SRRM3: variants seen among roughly 807,000 people sequenced by gnomAD.
SRRM3 encodes the protein serine/arginine repetitive matrix 3, also known as serine/arginine repetitive matrix protein 3.
A neutral mutation model predicts 66.2 loss-of-function variants in SRRM3; 27 were observed. The ratio of observed to expected loss-of-function variants is 0.41; its 90% confidence interval spans 0.30 to 0.56. The LOEUF is 0.56. Among genes scored for constraint, SRRM3 ranks in the 20% least tolerant of loss-of-function variants. The pLI, the probability that SRRM3 is intolerant of heterozygous loss-of-function variation, is 0.32. For synonymous variants in SRRM3, 391 were observed against 414.9 expected, an observed-to-expected ratio of 0.94 and a Z score of 0.70; for missense variants, 918 against 991.9, an observed-to-expected ratio of 0.93 and a Z score of 1.00.
intron 11 of SRRM3, among the ~76,000 whole-genome samples, chr7:76,274,917 C>G (rs1802303007): frequency 6.6e-6 from 1 of 152,256 alleles, no homozygotes; most frequent in East Asian, 1.9e-4. Flanking sequence ...ACCAGCCTGG[C>G]CAACATGGCA....
intron 3 of SRRM3, among the ~76,000 whole-genome samples, chr7:76,250,425 G>A (rs1801549261): frequency 6.6e-6 from 1 of 151,992 alleles, no homozygotes; most frequent in South Asian, 2.1e-4. Flanking sequence ...GTAGAGATGG[G>A]GTTTCGCCAC....
intron 1 of SRRM3, among the ~76,000 whole-genome samples, chr7:76,215,793 A>ATTTT (rs35624440): frequency 1.0e-5 from 1 of 96,832 alleles, no homozygotes; most frequent in Non-Finnish European, 2.0e-5. Context: ...CACCTGGCTA[A>ATTTT]TTTTTTTTTT....
chr7:76,270,921 G>GCT (rs1174025753), intron 11 of SRRM3, among the ~76,000 whole-genome samples: 3 of 149,678 alleles, frequency 2.0e-5, no homozygotes, highest in Admixed American at 1.3e-4. Context: ...GTTGCAGTGA[G>GCT]CTGAGATTGT....
At chr7:76,208,307 T>C (rs191216061) in intron 1 of SRRM3, among the ~76,000 whole-genome samples, 14 of 152,100 alleles carry the variant, frequency 9.2e-5, no homozygotes, top group Admixed American at 2.0e-4. Context: ...CCTTTTTCTC[T>C]TCTGTAAAAT....
intron 1 of SRRM3, among the ~76,000 whole-genome samples, chr7:76,218,089 T>C (rs1178250224): frequency 1.3e-5 from 2 of 152,146 alleles, no homozygotes; most frequent in Non-Finnish European, 2.9e-5. Flanking sequence ...CATCGTGCCT[T>C]CCTCTGCCTA....
chr7:76,263,628 G>A (rs1213686604), intron 8 of SRRM3, among the ~76,000 whole-genome samples: 2 of 152,108 alleles, frequency 1.3e-5, no homozygotes, highest in Admixed American at 1.3e-4. Context: ...GGAGGGCTGA[G>A]GTGGGCAGAT....
rs149966450 is a variant in SRRM3 at position 76,214,905 on chromosome 7, A to G, written c.-40+12838A>G. On this transcript the variant is annotated intron_variant, in intron 1 of 14. Coordinates refer to ENST00000611745, the MANE Select transcript of SRRM3 (RefSeq NM_001110199.3). Reference sequence around the variant, plus strand: ...ATTACAGACATGAGCCACTGTGCCCAGCTGGGAGACTTTCCTTCCTCCATC... The same window carrying G: ...ATTACAGACATGAGCCACTGTGCCCGGCTGGGAGACTTTCCTTCCTCCATC... 8.3e-3 allele frequency among the ~76,000 whole-genome samples: 1,267 copies of G among 152,168 alleles called. 23 individuals are homozygous for G. The highest frequency in any genetic ancestry group is 0.029 in the African/African-American group (1,191 of 41,508).
intron 8 of SRRM3, among the ~76,000 whole-genome samples, chr7:76,262,815 CA>C (rs1314856743): frequency 1.5e-5 from 2 of 134,038 alleles, no homozygotes; most frequent in African/African-American, 5.6e-5. Context: ...GACTCCATCT[CA>C]AAAAAAAGAA....
intron 2 of SRRM3, among the ~76,000 whole-genome samples, chr7:76,245,647 G>C (rs957869744): frequency 6.6e-6 from 1 of 152,040 alleles, no homozygotes; most frequent in Non-Finnish European, 1.5e-5. Flanking sequence ...CACCCTGTTG[G>C]GCTATCAAAC....
Position 76,258,937 on chromosome 7 carries a change from G to A in SRRM3, c.336-969G>A, listed in dbSNP as rs189126969. Among the ~76,000 whole-genome samples, 11 of 151,658 alleles carry A rather than the reference G, an allele frequency of 7.3e-5. No individual in the cohort carries two copies. The East Asian group carries it at 1.8e-3, about 24-fold the overall frequency. On this transcript the variant is annotated intron_variant, in intron 3 of 14. Coordinates refer to ENST00000611745, the MANE Select transcript of SRRM3 (RefSeq NM_001110199.3). Reference sequence around the variant, plus strand: ...CGGGCACCTGTAATCCCAGCTACTCGGGAGGCTGAGGCAGGAGAATCACTT... The same window carrying A: ...CGGGCACCTGTAATCCCAGCTACTCAGGAGGCTGAGGCAGGAGAATCACTT...
intron 1 of SRRM3, among the ~76,000 whole-genome samples, chr7:76,217,864 T>G (rs1236463602): frequency 6.6e-6 from 1 of 152,150 alleles, no homozygotes; most frequent in Non-Finnish European, 1.5e-5. Context: ...CACCTTGTGG[T>G]CAGGTGGTTA....
intron 3 of SRRM3, among the ~76,000 whole-genome samples, chr7:76,249,148 G>A (rs141621306): frequency 0.038 from 5,814 of 152,160 alleles, 167 homozygotes; most frequent in Non-Finnish European, 0.059. Context: ...TACTTTGGGA[G>A]GCCAAGGTGG....
intron 12 of SRRM3, among the ~76,000 whole-genome samples, 161 bp downstream of exon 12, chr7:76,281,963 A>C (rs1554611987): frequency 2.0e-4 from 7 of 34,458 alleles, no homozygotes; most frequent in East Asian, 2.5e-3. Flanking sequence ...CCACCCCCCC[A>C]TGAGCTACCC....
chr7:76,230,621 C>G lies in SRRM3; in HGVS notation c.-39-4407C>G, dbSNP rs140056202. Among the ~76,000 whole-genome samples, 652 of 151,126 alleles carry G rather than the reference C, an allele frequency of 4.3e-3. 6 individuals are homozygous for G. The highest frequency in any genetic ancestry group is 0.015 in the African/African-American group (620 of 41,116). Reference sequence around the variant, plus strand: ...CTATAGTCACGCCACTGCACTCCAGCCTGGGCAACAGATTGAGAGTCAGGA... The same window carrying G: ...CTATAGTCACGCCACTGCACTCCAGGCTGGGCAACAGATTGAGAGTCAGGA... On this transcript the variant is annotated intron_variant, in intron 1 of 14. Coordinates refer to ENST00000611745, the MANE Select transcript of SRRM3 (RefSeq NM_001110199.3).
intron 1 of SRRM3, among the ~76,000 whole-genome samples, chr7:76,231,381 G>A (rs1158651762): frequency 1.3e-5 from 2 of 152,194 alleles, no homozygotes; most frequent in Non-Finnish European, 2.9e-5. Context: ...TTGCTACCCA[G>A]GCGTTCTCCT....
intron 1 of SRRM3, among the ~76,000 whole-genome samples, chr7:76,227,547 C>T (rs1800905762): frequency 6.6e-6 from 1 of 152,214 alleles, no homozygotes. Context: ...GGCAGCCCTG[C>T]CTCCTGCTCC....
chr7:76,213,381 C>T (rs752511177), intron 1 of SRRM3, among the ~76,000 whole-genome samples: 18 of 152,060 alleles, frequency 1.2e-4, no homozygotes, highest in Non-Finnish European at 1.9e-4. Flanking sequence ...GGCACTGCTG[C>T]GTGTATTAAC....
chr7:76,216,860 T>C (rs572137704), intron 1 of SRRM3, among the ~76,000 whole-genome samples: 2 of 152,264 alleles, frequency 1.3e-5, no homozygotes, highest in Admixed American at 1.3e-4. Flanking sequence ...TCTGGATCGA[T>C]GGGAAAGTCA....
chr7:76,285,392 G>C lies in SRRM3; in HGVS notation c.1734-223G>C. 5.2e-6 allele frequency: 3 copies of C among 572,794 alleles called. No homozygotes were observed. The highest frequency in any genetic ancestry group is 9.3e-6 in the Non-Finnish European group (3 of 321,104). 35.5% of individuals were successfully genotyped at this position (572,794 alleles called of 1,614,324 possible). Reference sequence around the variant, plus strand: ...ACAAGTATTTATTAGCAGGTGTTCGGATCGGGCAGAGACATGGTCTCCTTT... The same window carrying C: ...ACAAGTATTTATTAGCAGGTGTTCGCATCGGGCAGAGACATGGTCTCCTTT... On this transcript the variant is annotated intron_variant, in intron 14 of 14. Transcript: ENST00000611745. This position sits in a 1 kb window ranked among gnomAD's most constrained non-coding sequence, Gnocchi z 4.1.
Sources: gnomAD v4.1 joint callset for allele counts (sites outside exome capture counted in the v4.1 genomes callset) on GRCh38, gnomAD v4.1.1 for gene constraint, Gnocchi (gnomAD v3.1) non-coding constraint, MANE v1.5 for transcripts, NCBI Gene and HGNC (gene_info 2026-07-23, HGNC 2026-07-21) for gene names.